The following UGT1A8 variants were observed in gnomAD, a reference collection of about 807,000 sequenced individuals.
UGT1A8 encodes the protein UDP-glucuronosyltransferase 1A8.
Under a neutral mutation model 45.3 loss-of-function variants are expected in UGT1A8, and 39 were observed. The ratio of observed to expected loss-of-function variants is 0.86; its 90% confidence interval spans 0.67 to 1.12. UGT1A8 has a LOEUF of 1.12. Ranked by LOEUF, UGT1A8 falls within the 50% of genes most tolerant of loss-of-function variation. UGT1A8 has a pLI of 0.00. For synonymous variants in UGT1A8, 275 were observed against 249.2 expected (o/e 1.10, Z -0.97); for missense variants, 719 against 664.9 (o/e 1.08, Z -0.90).
chr2:233,760,963 G>A (rs761943511), intron 1 of UGT1A8: 5 of 1,614,162 alleles, frequency 3.1e-6, no homozygotes, highest in African/African-American at 1.3e-5. Flanking sequence ...GTGCGACGTG[G>A]TTTATTCCCC....
intron 1 of UGT1A8, chr2:233,760,416 G>A (rs1575772039): frequency 6.2e-7 from 1 of 1,614,218 alleles, no homozygotes; most frequent in East Asian, 2.2e-5. Flanking sequence ...GGCTGAGCAT[G>A]CTTGGGGCCA....
At chr2:233,664,504 A>C (rs1377375463) in intron 1 of UGT1A8, among the ~76,000 whole-genome samples, 1 of 152,222 alleles carries the variant, frequency 6.6e-6, no homozygotes. Flanking sequence ...CAGGCTGTAC[A>C]AGCATGGCGC....
At chr2:233,642,838 T>C (rs1466197647) in intron 1 of UGT1A8, among the ~76,000 whole-genome samples, 2 of 152,208 alleles carry the variant, frequency 1.3e-5, no homozygotes, top group Non-Finnish European at 2.9e-5. Flanking sequence ...ATACTCTTGC[T>C]TTCTTCCCTT....
chr2:233,655,881 A>G (rs887216248), intron 1 of UGT1A8, among the ~76,000 whole-genome samples: 13 of 152,216 alleles, frequency 8.5e-5, no homozygotes, highest in Admixed American at 7.2e-4. Context: ...GCCTCTTGCT[A>G]TGATCAGTTT....
At chr2:233,631,547 G>T (rs980361523) in intron 1 of UGT1A8, among the ~76,000 whole-genome samples, 2 of 152,172 alleles carry the variant, frequency 1.3e-5, no homozygotes, top group Admixed American at 1.3e-4. Context: ...GCATGAGATG[G>T]TATCTCATTG....
chr2:233,722,527 A>G (rs1427229559), intron 1 of UGT1A8, among the ~76,000 whole-genome samples: 1 of 152,148 alleles, frequency 6.6e-6, no homozygotes, highest in African/African-American at 2.4e-5. Context: ...TTTTTGCCTT[A>G]ATGATTTCAT....
At chr2:233,652,475 A>G (rs2073764381) in intron 1 of UGT1A8, among the ~76,000 whole-genome samples, 3 of 152,200 alleles carry the variant, frequency 2.0e-5, no homozygotes. Flanking sequence ...CAAATACTTC[A>G]CTAAATGTAA....
intron 1 of UGT1A8, chr2:233,729,891 G>A: frequency 1.2e-6 from 2 of 1,613,886 alleles, no homozygotes; most frequent in Non-Finnish European, 1.7e-6. Flanking sequence ...CATCTGTGTG[G>A]CTGTTCCGAG....
chr2:233,632,549 C>T (rs950260630), intron 1 of UGT1A8, among the ~76,000 whole-genome samples: 7 of 152,046 alleles, frequency 4.6e-5, no homozygotes, highest in African/African-American at 7.2e-5. Flanking sequence ...GAGGTCTTTC[C>T]CATCCCTTGT....
intron 1 of UGT1A8, among the ~76,000 whole-genome samples, chr2:233,757,340 GC>G (rs1259479827): frequency 3.3e-5 from 5 of 151,162 alleles, no homozygotes; most frequent in Non-Finnish European, 7.4e-5. Flanking sequence ...GACCATGACA[GC>G]TGGGTCTGAG....
chr2:233,721,547 C>A, intron 1 of UGT1A8: 1 of 164,174 alleles, frequency 6.1e-6, no homozygotes. Flanking sequence ...TAAATTTTTT[C>A]TTCAGTTTCT....
In UGT1A8 at chr2:233,683,609, G is replaced by A. The variant is rs45589132; in HGVS notation, c.855+65047G>A. ...AATATGAATCCCTCATTATTTATTC[G>A]GATTCTGTTTTATTTCCATAAATAA... On this transcript the variant is annotated intron_variant, in intron 1 of 4. Coordinates refer to ENST00000373450, the MANE Select transcript of UGT1A8 (RefSeq NM_019076.5). 8.3e-4 allele frequency among the ~76,000 whole-genome samples: 126 copies of A among 151,888 alleles called. 1 individual carries two copies. The highest frequency in any genetic ancestry group is 2.5e-3 in the African/African-American group (104 of 41,430).
At chr2:233,716,425 C>T (rs967388404) in intron 1 of UGT1A8, among the ~76,000 whole-genome samples, 13 of 152,316 alleles carry the variant, frequency 8.5e-5, no homozygotes, top group African/African-American at 3.1e-4. Flanking sequence ...TTATTCAAAA[C>T]TTGGAGGTTT....
chr2:233,648,348 A>G, intron 1 of UGT1A8: 1 of 439,546 alleles, frequency 2.3e-6, no homozygotes, highest in South Asian at 2.3e-5. Flanking sequence ...CCAGAGGAAT[A>G]CTTTGACATT....
chr2:233,696,076 C>G (rs909359258), intron 1 of UGT1A8, among the ~76,000 whole-genome samples: 4 of 152,100 alleles, frequency 2.6e-5, no homozygotes, highest in Non-Finnish European at 5.9e-5. Flanking sequence ...CTATGAAGAA[C>G]AGTATGGAGA....
At chr2:233,746,438 T>A (rs1187941624) in intron 1 of UGT1A8, among the ~76,000 whole-genome samples, 3 of 151,694 alleles carry the variant, frequency 2.0e-5, no homozygotes, top group Admixed American at 1.3e-4. Flanking sequence ...TGTCTTCAGC[T>A]TAAAAAGAAA....
At chr2:233,634,199 T>C (rs1559316733) in intron 1 of UGT1A8, among the ~76,000 whole-genome samples, 1 of 152,230 alleles carries the variant, frequency 6.6e-6, no homozygotes, top group Non-Finnish European at 1.5e-5. Context: ...TCTGTTCTTT[T>C]GCATTTTCTG....
At chr2:233,724,484 G>T (rs1426827388) in intron 1 of UGT1A8, among the ~76,000 whole-genome samples, 3 of 77,008 alleles carry the variant, frequency 3.9e-5, no homozygotes, top group Admixed American at 1.3e-4. Flanking sequence ...CTTCTCAGAC[G>T]GGGCGGCCGG....
intron 1 of UGT1A8, among the ~76,000 whole-genome samples, chr2:233,700,404 A>G (rs1297317777): frequency 6.6e-6 from 1 of 152,178 alleles, no homozygotes; most frequent in Non-Finnish European, 1.5e-5. Context: ...TTTTGGCAGC[A>G]GTGTTTCTGT....
Sources: allele counts gnomAD v4.1 joint callset (sites outside exome capture counted in the v4.1 genomes callset), GRCh38; gene constraint gnomAD v4.1.1; transcripts MANE v1.5; gene names NCBI Gene and HGNC (gene_info 2026-07-23, HGNC 2026-07-21).